The following DGKI variants were observed in gnomAD, a reference collection of about 807,000 sequenced individuals.
DGKI encodes the protein diacylglycerol kinase iota, also known as DAG kinase iota.
A neutral mutation model predicts 147.5 loss-of-function variants in DGKI; 55 were observed. The observed-to-expected ratio is 0.37, with a 90% CI of 0.30 to 0.47. DGKI has a LOEUF of 0.47. DGKI is among the 20% of genes least tolerant of loss of function. DGKI has a pLI of 1.00. For missense variants in DGKI, 1,007 were observed against 1,323.8 expected (o/e 0.76, Z 3.71); for synonymous variants, 469 against 477.1 (o/e 0.98, Z 0.22).
chr7:137,464,188 C>T lies in DGKI; in HGVS notation c.2613-577G>A, dbSNP rs558067892. Among the ~76,000 whole-genome samples the T allele has an allele frequency of 4.3e-5, 6 of 138,888 alleles. No homozygotes were observed. In the South Asian group the frequency reaches 1.2e-3, roughly 29 times the overall value. 91.1% of individuals were successfully genotyped at this position (138,888 alleles called of 152,430 possible). ...AGGACAATGGCATGAACCCGGGAGG[C>T]GGAGCTTGCAGTGAGCCAAGATCGC... On this transcript the variant is annotated intron_variant, in intron 26 of 32. Coordinates refer to ENST00000614521, the MANE Select transcript of DGKI (RefSeq NM_001321708.2).
chr7:137,443,520 T>C (rs745478260), intron 28 of DGKI, among the ~76,000 whole-genome samples: 3 of 152,212 alleles, frequency 2.0e-5, no homozygotes, highest in Non-Finnish European at 2.9e-5. Context: ...AAAGGTGAGA[T>C]GGAACAAAAT....
intron 14 of DGKI, among the ~76,000 whole-genome samples, chr7:137,583,058 A>G (rs1819261051): frequency 6.6e-6 from 1 of 152,112 alleles, no homozygotes. Context: ...TAGAAGGAGA[A>G]CTTCCTTTCA....
intron 8 of DGKI, among the ~76,000 whole-genome samples, chr7:137,618,070 A>C (rs1156914781): frequency 7.5e-6 from 1 of 133,264 alleles, no homozygotes; most frequent in East Asian, 2.3e-4. Flanking sequence ...GGACTTCCAA[A>C]TTCCCATACC....
intron 1 of DGKI, among the ~76,000 whole-genome samples, chr7:137,770,225 C>T (rs1196148993): frequency 6.6e-6 from 1 of 151,896 alleles, no homozygotes; most frequent in Non-Finnish European, 1.5e-5. Flanking sequence ...AACAGAAAAC[C>T]AAACACTGCA....
intron 18 of DGKI, 94 bp downstream of exon 18, chr7:137,572,671 C>T (rs1818833728): frequency 1.2e-6 from 1 of 800,034 alleles, no homozygotes; most frequent in African/African-American, 1.7e-5. Context: ...AACTGATCTT[C>T]ATTGTTTACA....
At chr7:137,495,335 C>A (rs1413032996) in intron 21 of DGKI, among the ~76,000 whole-genome samples, 1 of 149,912 alleles carries the variant, frequency 6.7e-6, no homozygotes, top group East Asian at 2.0e-4. Flanking sequence ...CAGGGCTAGA[C>A]AAATTCACAG....
chr7:137,664,041 T>G (rs972462100), intron 3 of DGKI, among the ~76,000 whole-genome samples: 6 of 151,758 alleles, frequency 4.0e-5, no homozygotes, highest in African/African-American at 1.2e-4. Context: ...TGAGGTGCCC[T>G]CAGACTGTTT....
intron 20 of DGKI, among the ~76,000 whole-genome samples, chr7:137,539,067 T>C (rs2128960233): frequency 1.3e-5 from 2 of 152,284 alleles, no homozygotes; most frequent in South Asian, 4.2e-4. Flanking sequence ...CCCCTCCATT[T>C]TCTCCCACTA....
At chr7:137,813,210 A>G (rs939865854) in intron 1 of DGKI, among the ~76,000 whole-genome samples, 9 of 152,332 alleles carry the variant, frequency 5.9e-5, no homozygotes, top group African/African-American at 2.2e-4. Flanking sequence ...CAGCACTGCT[A>G]AGACAAAGTG....
intron 28 of DGKI, among the ~76,000 whole-genome samples, chr7:137,417,567 C>G (rs765881913): frequency 6.6e-6 from 1 of 152,078 alleles, no homozygotes; most frequent in Non-Finnish European, 1.5e-5. Context: ...CATCCATGTG[C>G]GGAAGGAAGA....
chr7:137,516,167 A>C (rs1335038362), intron 21 of DGKI, among the ~76,000 whole-genome samples: 1 of 152,106 alleles, frequency 6.6e-6, no homozygotes, highest in Non-Finnish European at 1.5e-5. Context: ...TGTTTTTAGC[A>C]AACTCTTGAA....
In DGKI at chr7:137,417,913, GGTC is replaced by G. The variant is rs767355161; in HGVS notation, c.2762-5709_2762-5707del. On this transcript the variant is annotated intron_variant, in intron 28 of 32. Coordinates refer to ENST00000614521, the MANE Select transcript of DGKI (RefSeq NM_001321708.2). ...AGTAATTTGCTAGCACCTTGATCTT[GGTC>G]TTCCCAGAATCCAGAACCATGAGCA... Among the ~76,000 whole-genome samples, 119 of 152,250 alleles carry G rather than the reference GGTC, an allele frequency of 7.8e-4. No homozygotes were observed. In the Middle Eastern group the frequency reaches 0.014, roughly 17 times the overall value.
At chr7:137,663,186 G>A (rs1163551103) in intron 3 of DGKI, among the ~76,000 whole-genome samples, 2 of 152,190 alleles carry the variant, frequency 1.3e-5, no homozygotes, top group East Asian at 3.9e-4. Context: ...TGTGAGTGCT[G>A]TACAGGATAT....
At position 137,409,138 on chromosome 7, in the gene DGKI, G is replaced by A. The variant is rs745879379; in HGVS notation, c.2800-1143C>T. Among the ~76,000 whole-genome samples, 49 of 152,186 alleles carry A rather than the reference G, an allele frequency of 3.2e-4. 1 individual carries two copies. The highest frequency in any genetic ancestry group is 6.2e-4 in the Non-Finnish European group (42 of 68,034). On this transcript the variant is annotated intron_variant, in intron 29 of 32. Coordinates refer to ENST00000614521, the MANE Select transcript of DGKI (RefSeq NM_001321708.2). ...TTCCCAACATAAAGAAATGATAAAT[G>A]TGTGAGGTGGTGGATATGCTAATTA...
At chr7:137,641,966 G>T (rs1375372054) in intron 6 of DGKI, among the ~76,000 whole-genome samples, 1 of 152,148 alleles carries the variant, frequency 6.6e-6, no homozygotes, top group Non-Finnish European at 1.5e-5. Context: ...ATTTTTTGAA[G>T]CACTATAGAC....
intron 1 of DGKI, among the ~76,000 whole-genome samples, chr7:137,788,661 C>G (rs910518048): frequency 4.4e-4 from 28 of 62,986 alleles, no homozygotes; most frequent in Non-Finnish European, 7.7e-4. Flanking sequence ...CACACACACA[C>G]ACATACACAC....
At chr7:137,824,526 AAAAGAAAAAG>A (rs1233249104) in intron 1 of DGKI, among the ~76,000 whole-genome samples, 1 of 47,254 alleles carries the variant, frequency 2.1e-5, no homozygotes, top group African/African-American at 8.0e-5. Flanking sequence ...AAAAAAAAAA[AAAAGAAAAAG>A]AAAAGAAAAT....
Position 137,469,601 on chromosome 7 carries a change from G to T in DGKI, c.2392C>A (p.Pro798Thr). ...VHYQDHETSFPRALSAQRLSP... is the reference protein window; with the variant it reads ...VHYQDHETSFTRALSAQRLSP... Reference sequence around the variant, plus strand: ...AGCCTCTGTGCTGAGAGAGCCCTGGGGAAGGAGGTTTCATGGTCCTGGAAA... The same window carrying T: ...AGCCTCTGTGCTGAGAGAGCCCTGGTGAAGGAGGTTTCATGGTCCTGGAAA... Residue 798 changes from proline (P) to threonine (T), a missense_variant, in exon 24 of 33, where the codon CCC becomes ACC. By Grantham distance (38) the Pro-to-Thr change is conservative. This residue lies in a region of DGKI where 385 missense variants were observed against 445.2 expected (regional missense o/e 0.86). Coordinates refer to ENST00000614521, the MANE Select transcript of DGKI (RefSeq NM_001321708.2). The T allele has an allele frequency of 1.2e-6, 2 of 1,613,972 alleles. No homozygotes were observed. Among genetic ancestry groups the T allele is most frequent in the Non-Finnish European group, 1.7e-6 (2 of 1,179,954 alleles).
intron 1 of DGKI, among the ~76,000 whole-genome samples, chr7:137,785,229 G>A (rs1304104269): frequency 2.6e-5 from 4 of 152,030 alleles, no homozygotes; most frequent in Non-Finnish European, 4.4e-5. Context: ...TAGACCATTA[G>A]TGAGATTAAC....
Sources: gnomAD v4.1 joint callset for allele counts (sites outside exome capture counted in the v4.1 genomes callset) on GRCh38, gnomAD v4.1.1 for gene constraint, gnomAD v4.1.1 regional missense constraint, MANE v1.5 for transcripts, NCBI Gene and HGNC (gene_info 2026-07-23, HGNC 2026-07-21) for gene names.